COG7: variants seen among roughly 807,000 people sequenced by gnomAD.
COG7 encodes the protein conserved oligomeric Golgi complex subunit 7.
A neutral mutation model predicts 91.5 loss-of-function variants in COG7; 49 were observed. The observed-to-expected ratio is 0.54, with a 90% confidence interval of 0.43 to 0.68. COG7 has a LOEUF of 0.68. Ranked by LOEUF, COG7 falls within the 30% of genes least tolerant of loss-of-function variation. COG7 has a pLI of 0.00. For synonymous variants in COG7, 365 were observed against 388.7 expected (o/e 0.94, Z 0.72); for missense variants, 895 against 961.3 (o/e 0.93, Z 0.91).
chr16:23,391,353 A>C (rs563231016), intron 16 of COG7, among the ~76,000 whole-genome samples: 1 of 152,300 alleles, frequency 6.6e-6, no homozygotes, highest in South Asian at 2.1e-4. Flanking sequence ...GGGAACACCA[A>C]CACGCATTTG....
At chr16:23,426,043 G>T (rs543014506) in intron 6 of COG7, among the ~76,000 whole-genome samples, 2 of 151,928 alleles carry the variant, frequency 1.3e-5, no homozygotes, top group Non-Finnish European at 2.9e-5. Flanking sequence ...GTCAAACCCC[G>T]TCTCTGCTAA....
chr16:23,415,129 C>T (rs550523240), intron 9 of COG7: 3 of 152,360 alleles, frequency 2.0e-5, no homozygotes, highest in South Asian at 4.1e-4. Flanking sequence ...ACTGACAACA[C>T]CTTCCCCTTG....
At chr16:23,413,223 G>C (rs1963594827) in intron 10 of COG7, 1 of 489,000 alleles carries the variant, frequency 2.0e-6, no homozygotes, top group African/African-American at 2.0e-5. Flanking sequence ...CATTTGTAAA[G>C]AACTTTTAAA....
chr16:23,425,358 G>A (rs1963829850), intron 6 of COG7, among the ~76,000 whole-genome samples: 1 of 151,966 alleles, frequency 6.6e-6, no homozygotes, highest in South Asian at 2.1e-4. Flanking sequence ...TTGAGACAGG[G>A]TCTCACTCTG....
At chr16:23,400,670 G>A (rs1370464329) in intron 13 of COG7, among the ~76,000 whole-genome samples, 2 of 152,112 alleles carry the variant, frequency 1.3e-5, no homozygotes, top group South Asian at 2.1e-4. Context: ...ATAGGAGGGT[G>A]CTTAAAAAGC....
At chr16:23,398,382 A>G (rs1225287586) in intron 13 of COG7, among the ~76,000 whole-genome samples, 6 of 152,200 alleles carry the variant, frequency 3.9e-5, no homozygotes, top group Non-Finnish European at 8.8e-5. Flanking sequence ...GAACTGCCAC[A>G]TTGGCTGAAC....
intron 4 of COG7, among the ~76,000 whole-genome samples, chr16:23,437,105 A>G (rs995421689): frequency 2.0e-5 from 3 of 152,160 alleles, no homozygotes; most frequent in Middle Eastern, 3.2e-3. Context: ...GAGGCAGCCT[A>G]TGGAGCTCAA....
At chr16:23,409,300 C>A (rs1262002975) in intron 11 of COG7, among the ~76,000 whole-genome samples, 1 of 152,134 alleles carries the variant, frequency 6.6e-6, no homozygotes, top group Non-Finnish European at 1.5e-5. Flanking sequence ...CACTTCTCTG[C>A]AGAAAGGGAT....
chr16:23,389,857 C>A (rs1395094473), intron 16 of COG7: 2 of 152,212 alleles, frequency 1.3e-5, no homozygotes, highest in Non-Finnish European at 2.9e-5. Flanking sequence ...GTGGTTCTAA[C>A]CACCAGGCAA....
chr16:23,442,904 C>T (rs1373891554), intron 3 of COG7, among the ~76,000 whole-genome samples: 8 of 151,650 alleles, frequency 5.3e-5, no homozygotes, highest in East Asian at 1.9e-4. Context: ...TGTGGTCATG[C>T]GCACCTGTAG....
At chr16:23,408,510 T>A (rs1473676043) in intron 11 of COG7, among the ~76,000 whole-genome samples, 1 of 151,446 alleles carries the variant, frequency 6.6e-6, no homozygotes, top group East Asian at 1.9e-4. Context: ...GTGCTCTTTG[T>A]TGGCAGTTTC....
chr16:23,449,712 T>A (rs535020022), intron 1 of COG7, among the ~76,000 whole-genome samples: 2 of 144,476 alleles, frequency 1.4e-5, no homozygotes, highest in East Asian at 4.1e-4. Context: ...TTGCACTCCA[T>A]CGCACTCCAT....
chr16:23,450,530 T>C (rs1964249557), intron 1 of COG7, among the ~76,000 whole-genome samples: 1 of 151,914 alleles, frequency 6.6e-6, no homozygotes, highest in South Asian at 2.1e-4. Context: ...AGATGCAAGG[T>C]ACAATAAAGA....
intron 10 of COG7, 163 bp downstream of exon 10, chr16:23,413,285 T>C (rs1272862454): frequency 1.4e-5 from 9 of 640,536 alleles, no homozygotes; most frequent in Non-Finnish European, 2.6e-5. Context: ...GGGTTGGGTT[T>C]TATTGGTTTG....
chr16:23,417,423 T>C, intron 8 of COG7: 1 of 413,616 alleles, frequency 2.4e-6, no homozygotes, highest in Non-Finnish European at 4.5e-6. Flanking sequence ...TCTCTTCCTC[T>C]GGCTCTCGAG....
At chr16:23,419,863 G>A (rs534388583) in intron 7 of COG7, among the ~76,000 whole-genome samples, 6 of 150,716 alleles carry the variant, frequency 4.0e-5, no homozygotes, top group South Asian at 2.1e-4. Flanking sequence ...CTGGCAGGTC[G>A]TGGTGGCTCA....
At chr16:23,440,304 G>A (rs1426691246) in intron 4 of COG7, among the ~76,000 whole-genome samples, 2 of 150,630 alleles carry the variant, frequency 1.3e-5, no homozygotes, top group East Asian at 1.9e-4. Context: ...CAGGAGAATC[G>A]CTTGAACCCA....
chr16:23,438,185 T>C (rs912892691), intron 4 of COG7, among the ~76,000 whole-genome samples: 4 of 151,972 alleles, frequency 2.6e-5, no homozygotes, highest in African/African-American at 9.7e-5. Context: ...TTGCAAGATA[T>C]ATTCAATAAA....
intron 2 of COG7, 121 bp downstream of exon 2, chr16:23,445,692 G>T: frequency 1.0e-6 from 1 of 1,001,762 alleles, no homozygotes; most frequent in African/African-American, 1.6e-5. Context: ...GTGCTGGGCA[G>T]AATCTTGAGT....
Sources: allele counts gnomAD v4.1 joint callset (sites outside exome capture counted in the v4.1 genomes callset), GRCh38; gene constraint gnomAD v4.1.1; transcripts MANE v1.5; gene names NCBI Gene and HGNC (gene_info 2026-07-23, HGNC 2026-07-21).